Variants in UBR1 observed in about 807,000 individuals in gnomAD.
The protein encoded by UBR1 is E3 ubiquitin-protein ligase UBR1.
UBR1 carries 102 observed loss-of-function variants against 242.1 expected under a neutral mutation model. That is an observed-to-expected ratio of 0.42 (90% CI 0.36 to 0.50). The LOEUF is 0.50. UBR1 is among the 20% of genes least tolerant of loss of function. The pLI is 0.01. For synonymous variants in UBR1, 675 were observed against 684.8 expected, an observed-to-expected ratio of 0.99 and a Z score of 0.22; for missense variants, 1,772 against 2,101.8, an observed-to-expected ratio of 0.84 and a Z score of 3.07.
chr15:43,049,741 AC>A (rs1332760787), intron 12 of UBR1, among the ~76,000 whole-genome samples: 1 of 152,222 alleles, frequency 6.6e-6, no homozygotes, highest in Non-Finnish European at 1.5e-5. Context: ...TATACTAATT[AC>A]CATCTAAATC....
chr15:43,064,656 A>AACCTCC lies in UBR1; in HGVS notation c.798+3236_798+3241dup, dbSNP rs545209373. Among the ~76,000 whole-genome samples the AACCTCC allele has an allele frequency of 1.3e-4, 20 of 150,714 alleles. No homozygotes were observed. In the East Asian group the frequency reaches 3.7e-3, roughly 28 times the overall value. On this transcript the variant is annotated intron_variant, in intron 6 of 46. Coordinates refer to ENST00000290650, the MANE Select transcript of UBR1 (RefSeq NM_174916.3). ...CAGTGGTGCAATCTCAGTTCACTGC[A>AACCTCC]ACCTCCACCTCCCAGGTTCAAACAA...
At chr15:43,021,494 T>C (rs754894866) in intron 26 of UBR1, 119 bp from the exon 27 acceptor site, 123 of 820,156 alleles carry the variant, frequency 1.5e-4, no homozygotes, top group Non-Finnish European at 2.2e-4. Flanking sequence ...AATTCCCTTA[T>C]GTAAAATGGT....
intron 45 of UBR1, among the ~76,000 whole-genome samples, chr15:42,950,936 C>G (rs901834332): frequency 3.3e-5 from 5 of 152,158 alleles, no homozygotes; most frequent in African/African-American, 1.2e-4. Flanking sequence ...GGGATAAGTA[C>G]TTTACAGATA....
Position 43,071,053 on chromosome 15 carries a change from G to T in UBR1, c.529-128C>A, listed in dbSNP as rs539336502. ...CAACATCGTCCAGGAATGAATTCAA[G>T]TTGAGCTCAAGAGGGTTGCTATATA... On this transcript the variant is annotated intron_variant, in intron 4 of 46. Coordinates refer to ENST00000290650, the MANE Select transcript of UBR1 (RefSeq NM_174916.3). The T allele has an allele frequency of 7.7e-6, 10 of 1,302,372 alleles. No homozygotes were observed. The African/African-American group carries it at 1.3e-4, about 17-fold the overall frequency. The allele number at this position is 1,302,372 out of a possible 1,614,324, so 80.7% of individuals were successfully genotyped here.
chr15:42,962,198 C>A (rs1444919553), intron 42 of UBR1, among the ~76,000 whole-genome samples: 1 of 151,896 alleles, frequency 6.6e-6, no homozygotes, highest in Non-Finnish European at 1.5e-5. Context: ...AAACAGAAAC[C>A]ATTCTAAGTA....
At position 43,058,424 on chromosome 15, in the gene UBR1, G is replaced by A. The variant is rs755272230; in HGVS notation, c.1099C>T (p.Arg367Cys). ...LWDAKLYKGA[R>C]KILHELIFSS... The stretch of plus-strand genomic sequence containing the variant: ...AAGATCAATTCATGAAGGATCTTAC[G>A]GGCACCTATAGATTATTTTGGGGAG... Residue 367 changes from arginine (R) to cysteine (C), a missense_variant, in exon 10 of 47, where the codon CGT becomes TGT. Arg to Cys is a radical substitution (Grantham distance 180). This residue lies in a region of UBR1 where 734 missense variants were observed against 893.3 expected (regional missense o/e 0.82). Coordinates refer to ENST00000290650, the MANE Select transcript of UBR1 (RefSeq NM_174916.3). The A allele has an allele frequency of 3.1e-6, 5 of 1,610,040 alleles. No individual in the cohort carries two copies. Among genetic ancestry groups the A allele is most frequent in the East Asian group, 2.2e-5 (1 of 44,732 alleles).
At chr15:42,998,060 T>C (rs527738285) in intron 33 of UBR1, 108 bp downstream of exon 33, 2 of 984,630 alleles carry the variant, frequency 2.0e-6, no homozygotes, top group South Asian at 1.5e-5. Context: ...TTCCTGATAT[T>C]CAAGAAATCT....
chr15:43,009,445 C>T (rs1050386236), intron 29 of UBR1, among the ~76,000 whole-genome samples: 1 of 152,238 alleles, frequency 6.6e-6, no homozygotes, highest in Non-Finnish European at 1.5e-5. Context: ...CACTCCACAC[C>T]TGGCTTGCCC....
chr15:43,084,050 A>T (rs1056379733), intron 2 of UBR1, among the ~76,000 whole-genome samples: 1 of 152,136 alleles, frequency 6.6e-6, no homozygotes, highest in African/African-American at 2.4e-5. Context: ...TGTCTCAAAA[A>T]CAAACAAACA....
At chr15:42,952,519 G>A (rs527854086) in intron 44 of UBR1, 71 bp from the exon 45 acceptor site, 1 of 1,544,244 alleles carries the variant, frequency 6.5e-7, no homozygotes, top group South Asian at 1.1e-5. Flanking sequence ...CATATATCCT[G>A]TTAGCAATCA....
At chr15:42,985,663 T>A (rs1717934605) in intron 35 of UBR1, among the ~76,000 whole-genome samples, 1 of 152,048 alleles carries the variant, frequency 6.6e-6, no homozygotes, top group South Asian at 2.1e-4. Flanking sequence ...TCGGGTACAA[T>A]TTTAAAAGAA....
chr15:43,001,933 G>A (rs1029170684), intron 32 of UBR1, among the ~76,000 whole-genome samples: 4 of 152,124 alleles, frequency 2.6e-5, no homozygotes, highest in African/African-American at 9.7e-5. Flanking sequence ...TGATGGCAAA[G>A]GGCCATATGA....
chr15:43,058,915 C>A (rs2033649541), intron 9 of UBR1, among the ~76,000 whole-genome samples, 170 bp downstream of exon 9: 1 of 152,096 alleles, frequency 6.6e-6, no homozygotes, highest in Admixed American at 6.6e-5. Context: ...GGTTTTAACA[C>A]CAAAGAATAC....
At position 42,970,619 on chromosome 15, in the gene UBR1, AT is replaced by A; in HGVS notation, c.4370-13del. 6.2e-7 allele frequency: 1 copy of A among 1,609,210 alleles called. No homozygotes were observed. Among genetic ancestry groups the A allele is most frequent in the East Asian group, 2.2e-5 (1 of 44,842 alleles). ...AGCAAGGGGTAGGCCTGAAAAAGAAATTCTGCAAGATGAATTATGTATTTGC... is the reference window on the plus strand; with the variant it reads ...AGCAAGGGGTAGGCCTGAAAAAGAAATCTGCAAGATGAATTATGTATTTGC... On this transcript the variant is annotated splice_polypyrimidine_tract_variant and intron_variant, in intron 39 of 46. Transcript: ENST00000290650.
chr15:43,045,062 AT>A (rs2033467187), intron 14 of UBR1, among the ~76,000 whole-genome samples: 2 of 152,344 alleles, frequency 1.3e-5, no homozygotes, highest in South Asian at 4.1e-4. Context: ...GATTTCCCAT[AT>A]GGATGAATTT....
chr15:43,010,052 T>G (rs1417568353), intron 29 of UBR1, among the ~76,000 whole-genome samples: 1 of 152,148 alleles, frequency 6.6e-6, no homozygotes, highest in African/African-American at 2.4e-5. Flanking sequence ...TTTTGTATTT[T>G]TAGTAGAGAC....
intron 46 of UBR1, among the ~76,000 whole-genome samples, chr15:42,948,020 C>T (rs1242721203): frequency 6.6e-6 from 1 of 152,190 alleles, no homozygotes; most frequent in Non-Finnish European, 1.5e-5. Flanking sequence ...CATCACGCTA[C>T]CTGACTTCAA....
At chr15:42,991,582 T>G (rs1023685316) in intron 33 of UBR1, among the ~76,000 whole-genome samples, 3 of 152,124 alleles carry the variant, frequency 2.0e-5, no homozygotes, top group African/African-American at 4.8e-5. Flanking sequence ...CTTTTGGGAC[T>G]TCAATGACAC....
At chr15:43,037,704 A>T in intron 17 of UBR1, 69 bp downstream of exon 17, 1 of 1,368,848 alleles carries the variant, frequency 7.3e-7, no homozygotes, top group South Asian at 1.2e-5. Flanking sequence ...ACACAGGGTA[A>T]AATCATATAA....
Sources: gnomAD v4.1 joint callset for allele counts (sites outside exome capture counted in the v4.1 genomes callset) on GRCh38, gnomAD v4.1.1 for gene constraint, gnomAD v4.1.1 regional missense constraint, MANE v1.5 for transcripts, NCBI Gene and HGNC (gene_info 2026-07-23, HGNC 2026-07-21) for gene names.